ASIC2: variants seen among roughly 807,000 people sequenced by gnomAD.
The protein encoded by ASIC2 is acid sensing ion channel subunit 2.
Under a neutral mutation model 57.3 loss-of-function variants are expected in ASIC2, and 25 were observed. The observed-to-expected ratio is 0.44, with a 90% CI of 0.32 to 0.61. ASIC2 has a LOEUF of 0.61. ASIC2 is among the 20% of genes least tolerant of loss of function. The probability of loss-of-function intolerance (pLI) is 0.06; values close to 1 mark genes in which losing one functional copy is unlikely to be tolerated. For missense variants in ASIC2, 641 were observed against 738.1 expected, an observed-to-expected ratio of 0.87 and a Z score of 1.52; for synonymous variants, 319 against 307.5, an observed-to-expected ratio of 1.04 and a Z score of -0.39.
chr17:33,417,048 T>C (rs1247567361), intron 1 of ASIC2, among the ~76,000 whole-genome samples: 2 of 152,174 alleles, frequency 1.3e-5, no homozygotes, highest in Non-Finnish European at 2.9e-5. Flanking sequence ...AGTCCTCCTC[T>C]ATTTGGAGAA....
At chr17:33,798,290 C>A (rs954028410) in intron 1 of ASIC2, among the ~76,000 whole-genome samples, 4 of 152,148 alleles carry the variant, frequency 2.6e-5, no homozygotes, top group African/African-American at 9.7e-5. Context: ...GGTGTTTATG[C>A]AGAGATTCTG....
At chr17:33,580,641 A>C (rs1358610959) in intron 1 of ASIC2, among the ~76,000 whole-genome samples, 1 of 151,988 alleles carries the variant, frequency 6.6e-6, no homozygotes, top group Non-Finnish European at 1.5e-5. Flanking sequence ...GTGAAGACTC[A>C]ATGACCCCAG....
At chr17:34,087,828 G>A (rs1230449910) in intron 1 of ASIC2, among the ~76,000 whole-genome samples, 10 of 151,934 alleles carry the variant, frequency 6.6e-5, no homozygotes, top group South Asian at 2.1e-4. Flanking sequence ...CCAGTTGATC[G>A]CATTGGCTAC....
At chr17:33,427,622 G>A (rs1488715535) in intron 1 of ASIC2, among the ~76,000 whole-genome samples, 2 of 152,178 alleles carry the variant, frequency 1.3e-5, no homozygotes, top group East Asian at 3.9e-4. Flanking sequence ...CTATTAAAGG[G>A]GAAATGTCCC....
At chr17:33,621,141 A>G (rs1905780101) in intron 1 of ASIC2, among the ~76,000 whole-genome samples, 3 of 152,128 alleles carry the variant, frequency 2.0e-5, no homozygotes, top group Admixed American at 6.5e-5. Context: ...AGCCATTCCC[A>G]TCACATCGTC....
At position 33,201,800 on chromosome 17, in the gene ASIC2, C is replaced by T. The variant is rs147448076; in HGVS notation, c.708+89608G>A. On this transcript the variant is annotated intron_variant, in intron 1 of 9. Transcript: ENST00000225823. ...ATTCCAGCACTTTGGGAAACTGAGG[C>T]AGGCAGATCACTTGAGCCCAGAAGT... 1.8e-3 allele frequency among the ~76,000 whole-genome samples: 271 copies of T among 152,130 alleles called. 1 individual carries two copies. The highest frequency in any genetic ancestry group is 6.1e-3 in the African/African-American group (252 of 41,510).
intron 1 of ASIC2, among the ~76,000 whole-genome samples, chr17:33,350,828 GA>G (rs924381354): frequency 7.3e-5 from 11 of 150,000 alleles, no homozygotes; most frequent in African/African-American, 2.7e-4. Context: ...TGCAAAAAAA[GA>G]AAAAAAAAGC....
chr17:34,030,028 T>A (rs939872220), intron 1 of ASIC2, among the ~76,000 whole-genome samples: 1 of 152,198 alleles, frequency 6.6e-6, no homozygotes, highest in African/African-American at 2.4e-5. Flanking sequence ...CTCCAAAGCC[T>A]GAATCCCACA....
intron 1 of ASIC2, among the ~76,000 whole-genome samples, chr17:33,834,742 A>T (rs1231070194): frequency 6.6e-6 from 1 of 152,204 alleles, no homozygotes; most frequent in Non-Finnish European, 1.5e-5. Flanking sequence ...TTCTCACTGC[A>T]ACAAATTTAT....
At chr17:33,238,721 G>T (rs1908389959) in intron 1 of ASIC2, among the ~76,000 whole-genome samples, 1 of 152,102 alleles carries the variant, frequency 6.6e-6, no homozygotes, top group Non-Finnish European at 1.5e-5. Context: ...TATCCACAAG[G>T]CTCACTAATT....
chr17:33,646,854 G>A (rs2142036864), intron 1 of ASIC2, among the ~76,000 whole-genome samples: 1 of 152,230 alleles, frequency 6.6e-6, no homozygotes, highest in African/African-American at 2.4e-5. Context: ...AAGTAGGGAG[G>A]AAGGGGAGAA....
At position 34,048,213 on chromosome 17, in the gene ASIC2, T is replaced by C. The variant is rs895983828; in HGVS notation, c.555+107765A>G. ...TCTAGGATACATCTTCTTCATTCTCTTAGCTATTTCTAAATGTCATGACTT... is the reference window on the plus strand; with the variant it reads ...TCTAGGATACATCTTCTTCATTCTCCTAGCTATTTCTAAATGTCATGACTT... On this transcript the variant is annotated intron_variant, in intron 1 of 9. Coordinates refer to the ASIC2 transcript ENST00000359872. Among the ~76,000 whole-genome samples the C allele has an allele frequency of 3.9e-5, 6 of 152,238 alleles. No individual in the cohort carries two copies. The East Asian group carries it at 9.6e-4, about 24-fold the overall frequency.
chr17:33,706,423 G>A (rs545142533), intron 1 of ASIC2, among the ~76,000 whole-genome samples: 1 of 151,126 alleles, frequency 6.6e-6, no homozygotes, highest in Non-Finnish European at 1.5e-5. Flanking sequence ...AAGGTTTCAC[G>A]ACGTTTTCCA....
intron 1 of ASIC2, among the ~76,000 whole-genome samples, chr17:33,973,556 C>T (rs902559): frequency 0.93 from 142,242 of 152,242 alleles, 66,620 homozygotes; most frequent in Non-Finnish European, 0.97. Context: ...AGCGCTCTAA[C>T]TTTCAATTAC....
At chr17:33,281,089 G>A (rs1168969318) in intron 1 of ASIC2, among the ~76,000 whole-genome samples, 1 of 152,200 alleles carries the variant, frequency 6.6e-6, no homozygotes, top group African/African-American at 2.4e-5. Flanking sequence ...GTAGGCTTAA[G>A]AATGAATCTC....
intron 1 of ASIC2, among the ~76,000 whole-genome samples, chr17:33,319,177 C>T (rs940011569): frequency 2.6e-5 from 4 of 152,162 alleles, no homozygotes; most frequent in African/African-American, 9.7e-5. Flanking sequence ...TTGCAGCGAG[C>T]CACAGTCACA....
intron 1 of ASIC2, among the ~76,000 whole-genome samples, chr17:33,284,886 C>T (rs989241975): frequency 6.6e-6 from 1 of 152,158 alleles, no homozygotes; most frequent in Admixed American, 6.5e-5. Flanking sequence ...TATCAGGAAG[C>T]TCCTTTTAGA....
chr17:33,229,476 T>A (rs1908009657), intron 1 of ASIC2, among the ~76,000 whole-genome samples: 1 of 152,126 alleles, frequency 6.6e-6, no homozygotes, highest in East Asian at 1.9e-4. Flanking sequence ...GGAGGGCAAG[T>A]GTTTCCACCT....
chr17:33,559,236 C>T (rs1046878672), intron 1 of ASIC2, among the ~76,000 whole-genome samples: 5 of 152,182 alleles, frequency 3.3e-5, no homozygotes, highest in African/African-American at 1.2e-4. Flanking sequence ...AGCTTTTATG[C>T]CTTCTCCCTG....
Sources: allele counts gnomAD v4.1 joint callset (sites outside exome capture counted in the v4.1 genomes callset), GRCh38; gene constraint gnomAD v4.1.1; transcripts MANE v1.5; gene names NCBI Gene and HGNC (gene_info 2026-07-23, HGNC 2026-07-21).